The following GRM5 variants were observed in gnomAD, a reference collection of about 807,000 sequenced individuals.
GRM5 encodes the protein glutamate metabotropic receptor 5.
A neutral mutation model predicts 83.1 loss-of-function variants in GRM5; 19 were observed. That is an observed-to-expected ratio of 0.23 (90% CI 0.16 to 0.34). The LOEUF (loss-of-function observed/expected upper bound fraction) is 0.34, where lower values mean the gene tolerates loss of function less well. GRM5 is among the 10% of genes least tolerant of loss of function. The probability of loss-of-function intolerance (pLI) is 1.00; values close to 1 mark genes in which losing one functional copy is unlikely to be tolerated. For synonymous variants in GRM5, 675 were observed against 633.6 expected (o/e 1.07, Z -0.98); for missense variants, 1,160 against 1,588.3 (o/e 0.73, Z 4.58).
chr11:88,641,171 CAA>C lies in GRM5; in HGVS notation c.1147+11995_1147+11996del, dbSNP rs113078709. Among the ~76,000 whole-genome samples, 1,029 of 152,052 alleles carry C rather than the reference CAA, an allele frequency of 6.8e-3. 12 individuals carry two copies. Among genetic ancestry groups the C allele is most frequent in the East Asian group, 0.065 (338 of 5,168 alleles). On this transcript the variant is annotated intron_variant, in intron 4 of 9. Transcript: ENST00000305447. Reference sequence around the variant, plus strand: ...CACACATCACATGCCAGAGCAGGACCAAGAGAGAGAGTGGAGGCTGGGACAAG... The same window carrying C: ...CACACATCACATGCCAGAGCAGGACCGAGAGAGAGTGGAGGCTGGGACAAG...
chr11:88,965,456 C>T (rs1239980234), intron 2 of GRM5, among the ~76,000 whole-genome samples: 1 of 152,096 alleles, frequency 6.6e-6, no homozygotes, highest in Non-Finnish European at 1.5e-5. Context: ...AATACCATTA[C>T]ATTGAGATTA....
chr11:88,520,753 T>C (rs1941657392), intron 9 of GRM5, among the ~76,000 whole-genome samples: 1 of 152,102 alleles, frequency 6.6e-6, no homozygotes, highest in Non-Finnish European at 1.5e-5. Flanking sequence ...ACACAAGACA[T>C]TGTATTTGGG....
rs534066417 is a variant in GRM5 at position 88,827,039 on chromosome 11, A to AT, written c.911+22866dup. ...GCAAGAGGTTTATTTGTAATGGAGT[A>AT]TTTTTTTTAAACAGCACCGTCTTCT... On this transcript the variant is annotated intron_variant, in intron 3 of 9. Transcript: ENST00000305447. Among the ~76,000 whole-genome samples the AT allele has an allele frequency of 2.1e-3, 317 of 152,176 alleles. 4 individuals are homozygous for AT. Among genetic ancestry groups the AT allele is most frequent in the African/African-American group, 7.2e-3 (300 of 41,534 alleles).
In GRM5 at chr11:88,525,340, T is replaced by C. The variant is rs548378167; in HGVS notation, c.2695A>G (p.Met899Val). 2.0e-5 allele frequency: 32 copies of C among 1,609,822 alleles called. No individual in the cohort carries two copies. Among genetic ancestry groups the C allele is most frequent in the Non-Finnish European group, 5.1e-6 (6 of 1,176,218 alleles). Reference sequence around the variant, plus strand: ...ATTGTTGCTCTCCCACCATTCCCCATACTCCCTTTGGGGGTGAAACACTCT... The same window carrying C: ...ATTGTTGCTCTCCCACCATTCCCCACACTCCCTTTGGGGGTGAAACACTCT... Reference protein sequence around the residue: ...EIECFTPKGSMGNGGRATMSS... With the variant: ...EIECFTPKGSVGNGGRATMSS... Residue 899 changes from methionine (M) to valine (V), a missense_variant, in exon 9 of 10, where the codon ATG becomes GTG. Physicochemically the swap from Met to Val is conservative, Grantham distance 21. Transcript: ENST00000305447.
At chr11:88,836,314 A>G (rs1468865848) in intron 3 of GRM5, among the ~76,000 whole-genome samples, 1 of 152,246 alleles carries the variant, frequency 6.6e-6, no homozygotes, top group Non-Finnish European at 1.5e-5. Context: ...CAGTGAAACT[A>G]TCGTACAAAA....
intron 9 of GRM5, among the ~76,000 whole-genome samples, chr11:88,520,151 T>A (rs2135096591): frequency 6.6e-6 from 1 of 152,316 alleles, no homozygotes; most frequent in Middle Eastern, 3.4e-3. Flanking sequence ...TTGGGAGAAC[T>A]TAATGCAGAA....
intron 2 of GRM5, among the ~76,000 whole-genome samples, chr11:88,945,649 T>C (rs1432095724): frequency 6.6e-6 from 1 of 152,074 alleles, no homozygotes; most frequent in African/African-American, 2.4e-5. Context: ...GGAATGTCTA[T>C]TCAATCAATG....
chr11:88,942,152 T>C (rs766356794), intron 2 of GRM5, among the ~76,000 whole-genome samples: 3 of 152,250 alleles, frequency 2.0e-5, no homozygotes, highest in Middle Eastern at 3.4e-3. Context: ...ATAATGATAG[T>C]AAATTAATGT....
chr11:88,942,741 A>AC (rs1815940986), intron 2 of GRM5, among the ~76,000 whole-genome samples: 1 of 151,902 alleles, frequency 6.6e-6, no homozygotes, highest in Admixed American at 6.6e-5. Flanking sequence ...TAAATTAAAA[A>AC]AAAAATGGGA....
rs1014901912 is a variant in GRM5 at position 88,690,481 on chromosome 11, A to AT, written c.912-37079dup. 1.3e-3 allele frequency among the ~76,000 whole-genome samples: 194 copies of AT among 151,918 alleles called. 1 individual carries two copies. The highest frequency in any genetic ancestry group is 4.3e-3 in the African/African-American group (178 of 41,236). On this transcript the variant is annotated intron_variant, in intron 3 of 9. Coordinates refer to ENST00000305447, the MANE Select transcript of GRM5 (RefSeq NM_001143831.3). ...GTGATATTTTTATTCATGCTGCTTT[A>AT]TTTTTTAAAAAAAAATGAGTTCTGA...
chr11:89,027,786 C>A (rs1290420849), intron 2 of GRM5, among the ~76,000 whole-genome samples: 2 of 152,192 alleles, frequency 1.3e-5, no homozygotes, highest in Admixed American at 6.5e-5. Context: ...ACTATGGCAA[C>A]TGCTATGAAC....
intron 2 of GRM5, among the ~76,000 whole-genome samples, chr11:88,902,694 G>A (rs769112779): frequency 2.6e-5 from 4 of 152,078 alleles, no homozygotes; most frequent in African/African-American, 4.8e-5. Flanking sequence ...AGTAGTTCAC[G>A]CCTGTAATCT....
At chr11:89,024,356 C>A (rs1032131657) in intron 2 of GRM5, among the ~76,000 whole-genome samples, 2 of 152,214 alleles carry the variant, frequency 1.3e-5, no homozygotes, top group African/African-American at 4.8e-5. Flanking sequence ...GCCTAATGAT[C>A]CCTCAACTGC....
At chr11:88,548,874 C>T (rs1394776751) in intron 8 of GRM5, among the ~76,000 whole-genome samples, 1 of 152,136 alleles carries the variant, frequency 6.6e-6, no homozygotes, top group East Asian at 1.9e-4. Context: ...GGTCACCCAG[C>T]ACATATTTAT....
chr11:88,957,740 C>A (rs1377955028), intron 2 of GRM5, among the ~76,000 whole-genome samples: 2 of 152,060 alleles, frequency 1.3e-5, no homozygotes, highest in African/African-American at 2.4e-5. Flanking sequence ...AGGATTAGTT[C>A]ATGCTTTAAA....
intron 2 of GRM5, among the ~76,000 whole-genome samples, chr11:88,952,328 C>G (rs1045794842): frequency 6.6e-6 from 1 of 152,204 alleles, no homozygotes; most frequent in Non-Finnish European, 1.5e-5. Flanking sequence ...GCTCTCTGAA[C>G]TTCCAACTGT....
intron 2 of GRM5, among the ~76,000 whole-genome samples, chr11:88,892,156 CTTTT>C (rs34754677): frequency 1.1e-4 from 15 of 140,904 alleles, no homozygotes; most frequent in African/African-American, 2.7e-4. Context: ...CACAAGAAGT[CTTTT>C]TTTTTTTTTT....
intron 2 of GRM5, among the ~76,000 whole-genome samples, chr11:88,943,706 G>T (rs1405425580): frequency 2.6e-5 from 4 of 151,992 alleles, no homozygotes; most frequent in Admixed American, 2.6e-4. Flanking sequence ...AAGAACAGGA[G>T]TTGATCTTAA....
At chr11:88,630,143 G>T (rs1318684076) in intron 4 of GRM5, among the ~76,000 whole-genome samples, 1 of 151,948 alleles carries the variant, frequency 6.6e-6, no homozygotes, top group African/African-American at 2.4e-5. Flanking sequence ...CTTCAGTAAG[G>T]TCACCCTCCC....
Sources: allele counts gnomAD v4.1 joint callset (sites outside exome capture counted in the v4.1 genomes callset), GRCh38; gene constraint gnomAD v4.1.1; transcripts MANE v1.5; gene names NCBI Gene and HGNC (gene_info 2026-07-23, HGNC 2026-07-21).